Variants in STX6 observed in about 807,000 individuals in gnomAD.
The protein encoded by STX6 is syntaxin 6.
Under a neutral mutation model 38.0 loss-of-function variants are expected in STX6, and 23 were observed. That is an observed-to-expected ratio of 0.60 (90% CI 0.43 to 0.86). STX6 has a LOEUF of 0.86. Ranked by LOEUF, STX6 falls within the 40% of genes least tolerant of loss-of-function variation. STX6 has a pLI of 0.00. For missense variants in STX6, 274 were observed against 312.9 expected (o/e 0.88, Z 0.94); for synonymous variants, 123 against 107.5 (o/e 1.14, Z -0.89).
At chr1:180,990,822 T>G (rs974857045) in intron 4 of STX6, among the ~76,000 whole-genome samples, 3 of 152,128 alleles carry the variant, frequency 2.0e-5, no homozygotes, top group African/African-American at 7.2e-5. Context: ...TTCCCAAGTA[T>G]GAATTCAAGG....
intron 6 of STX6, among the ~76,000 whole-genome samples, chr1:180,985,691 A>G (rs1655558743): frequency 6.6e-6 from 1 of 152,276 alleles, no homozygotes; most frequent in African/African-American, 2.4e-5. Flanking sequence ...ATACTATTTC[A>G]GCAGTGCCTA....
intron 4 of STX6, among the ~76,000 whole-genome samples, chr1:180,990,750 G>C (rs897855404): frequency 6.6e-6 from 1 of 152,136 alleles, no homozygotes; most frequent in Non-Finnish European, 1.5e-5. Flanking sequence ...CCTGGCAACC[G>C]AGGCAAGGGC....
intron 2 of STX6, 42 bp from the exon 3 acceptor site, chr1:181,002,742 C>T (rs1167898756): frequency 1.5e-6 from 2 of 1,335,276 alleles, no homozygotes; most frequent in East Asian, 2.3e-5. Context: ...ATCATCAAAG[C>T]CTGACAACAT....
chr1:180,977,595 C>T (rs1655293249), intron 7 of STX6, among the ~76,000 whole-genome samples: 1 of 152,180 alleles, frequency 6.6e-6, no homozygotes, highest in Admixed American at 6.5e-5. Context: ...TTGGCATCTT[C>T]CACAAAGGGC....
intron 5 of STX6, chr1:180,989,367 G>A (rs1318590001): frequency 6.6e-6 from 1 of 151,870 alleles, no homozygotes; most frequent in Non-Finnish European, 1.5e-5. Flanking sequence ...GTGGTGGCGT[G>A]CACCTGTAGT....
chr1:181,022,125 T>C (rs1361955531), intron 1 of STX6, among the ~76,000 whole-genome samples: 2 of 143,632 alleles, frequency 1.4e-5, no homozygotes, highest in African/African-American at 5.2e-5. Context: ...CCAGCAAACG[T>C]GCTCAGACGC....
intron 2 of STX6, 115 bp downstream of exon 2, chr1:181,005,179 C>T (rs1433324998): frequency 6.6e-7 from 1 of 1,508,348 alleles, no homozygotes; most frequent in East Asian, 2.3e-5. Context: ...CAAGTAAGAG[C>T]AACAAACATT....
intron 4 of STX6, 73 bp downstream of exon 4, chr1:180,993,290 C>T: frequency 3.3e-6 from 3 of 902,722 alleles, no homozygotes; most frequent in Non-Finnish European, 5.5e-6. Flanking sequence ...CATGGATGGT[C>T]AGCATTTTTA....
In STX6 at chr1:181,018,457, A is replaced by G. The variant is rs151210778; in HGVS notation, c.35+4182T>C. 1.9e-4 allele frequency among the ~76,000 whole-genome samples: 28 copies of G among 149,026 alleles called. No homozygotes were observed. The Middle Eastern group carries it at 0.011, about 56-fold the overall frequency. ...AAACCATATATAACGTATAATCCCA[A>G]TTTTTAAAATGACCATATTATATAT... On this transcript the variant is annotated intron_variant, in intron 1 of 7. Coordinates refer to ENST00000258301, the MANE Select transcript of STX6 (RefSeq NM_005819.6).
intron 7 of STX6, among the ~76,000 whole-genome samples, chr1:180,978,862 A>G (rs1375377412): frequency 2.0e-5 from 3 of 152,210 alleles, no homozygotes; most frequent in African/African-American, 4.8e-5. Flanking sequence ...AGGTCTATTT[A>G]CCACAGTTCC....
chr1:180,994,621 G>A (rs939156443), intron 3 of STX6, among the ~76,000 whole-genome samples: 13 of 152,166 alleles, frequency 8.5e-5, no homozygotes, highest in Admixed American at 3.9e-4. Flanking sequence ...TTTCACTCAC[G>A]GTGGATTTCA....
chr1:180,976,453 T>C lies in STX6; in HGVS notation c.*117A>G, dbSNP rs972134944. On this transcript the variant is annotated 3_prime_UTR_variant, in exon 8 of 8. Transcript: ENST00000258301. ...GTGGGGTCACACGGAGAAAAGTCAG[T>C]GCAGCAGTATGTTTCCAGGATAGGA... 3 of 913,064 alleles carry C rather than the reference T, an allele frequency of 3.3e-6. No individual in the cohort carries two copies. The African/African-American group carries it at 4.9e-5, about 15-fold the overall frequency. The allele number at this position is 913,064 out of a possible 1,614,324, so 56.6% of individuals were successfully genotyped here.
At chr1:181,019,884 C>T (rs1035311760) in intron 1 of STX6, among the ~76,000 whole-genome samples, 3 of 152,074 alleles carry the variant, frequency 2.0e-5, no homozygotes, top group Admixed American at 6.5e-5. Context: ...GTATGTAGGC[C>T]GGGCGCGGTG....
At chr1:180,992,797 A>ATT (rs1217441271) in intron 4 of STX6, among the ~76,000 whole-genome samples, 26 of 152,348 alleles carry the variant, frequency 1.7e-4, no homozygotes, top group African/African-American at 5.3e-4. Context: ...AAACTACTTA[A>ATT]AACAAAGAGA....
At position 180,974,792 on chromosome 1, in the gene STX6, T is replaced by C. The variant is rs1175653526; in HGVS notation, c.*1778A>G. The C allele has an allele frequency of 6.6e-6, 1 of 152,626 alleles. No homozygotes were observed. Among genetic ancestry groups the C allele is most frequent in the Non-Finnish European group, 1.5e-5 (1 of 68,036 alleles). The allele number at this position is 152,626 out of a possible 1,614,324, so 9.5% of individuals were successfully genotyped here. ...AAACATCTGAAGCCCTTTGTAATAC[T>C]CACTGTTTTTTCCTAATTTGAAAAT... is the stretch of plus-strand genomic sequence containing the variant. On this transcript the variant is annotated 3_prime_UTR_variant, in exon 8 of 8. Transcript: ENST00000258301.
chr1:181,021,099 G>C (rs1656711802), intron 1 of STX6, among the ~76,000 whole-genome samples: 1 of 152,050 alleles, frequency 6.6e-6, no homozygotes, highest in Non-Finnish European at 1.5e-5. Context: ...TTAGTAGACT[G>C]TATAGGATAC....
chr1:181,004,640 C>T (rs1656173991), intron 2 of STX6, among the ~76,000 whole-genome samples: 1 of 152,238 alleles, frequency 6.6e-6, no homozygotes, highest in Admixed American at 6.5e-5. Flanking sequence ...TCTCTTCCAT[C>T]TGGTCATTCA....
intron 7 of STX6, among the ~76,000 whole-genome samples, chr1:180,980,261 TG>T (rs1655369121): frequency 6.9e-6 from 1 of 144,110 alleles, no homozygotes; most frequent in Non-Finnish European, 1.5e-5. Context: ...TACGAAAAGA[TG>T]TTCAACATTA....
chr1:181,015,013 GGC>G (rs1656515465), intron 1 of STX6, among the ~76,000 whole-genome samples: 1 of 152,086 alleles, frequency 6.6e-6, no homozygotes, highest in Admixed American at 6.6e-5. Context: ...TTGACACTAT[GGC>G]CCATTATATC....
Sources: gnomAD v4.1 joint callset for allele counts (sites outside exome capture counted in the v4.1 genomes callset) on GRCh38, gnomAD v4.1.1 for gene constraint, MANE v1.5 for transcripts, NCBI Gene and HGNC (gene_info 2026-07-23, HGNC 2026-07-21) for gene names.